The following MTM1 variants were observed in gnomAD, a reference collection of about 807,000 sequenced individuals.
The protein encoded by MTM1 is myotubularin 1.
Under a neutral mutation model 52.1 loss-of-function variants are expected in MTM1, and 9 were observed. The observed-to-expected ratio is 0.17, with a 90% CI of 0.10 to 0.30. The LOEUF (loss-of-function observed/expected upper bound fraction) is 0.30. MTM1 is among the 10% of genes least tolerant of loss of function. The pLI is 1.00. For synonymous variants in MTM1, 136 were observed against 163.8 expected (o/e 0.83, Z 1.29); for missense variants, 277 against 470.7 (o/e 0.59, Z 3.81).
intron 1 of MTM1, among the ~76,000 whole-genome samples, chrX:150,574,424 A>C (rs1278806213): frequency 9.0e-6 from 1 of 111,313 alleles, no homozygotes; most frequent in Admixed American, 9.5e-5. Flanking sequence ...ATTTTGCAGT[A>C]AATTAAAGTT....
chrX:150,563,893 A>G, upstream of MTM1, among the ~76,000 whole-genome samples: 1 of 111,173 alleles, frequency 9.0e-6, no homozygotes, highest in Non-Finnish European at 1.9e-5. Flanking sequence ...CTCAAAACAA[A>G]CAAACAAAAA....
chrX:150,641,147 G>T, intron 7 of MTM1, 122 bp from the exon 8 acceptor site: 2 of 722,271 alleles, frequency 2.8e-6, no homozygotes, highest in South Asian at 4.9e-5. Flanking sequence ...TAGGTAGACC[G>T]TCATCACCCT....
At chrX:150,619,388 ACT>A (rs1350681804) in intron 6 of MTM1, among the ~76,000 whole-genome samples, 3 of 111,931 alleles carry the variant, frequency 2.7e-5, no homozygotes, top group African/African-American at 9.8e-5. Context: ...ATGGGAACAA[ACT>A]CTCTGAGCCT....
Position 150,614,526 on chromosome X carries a change from T to C in MTM1, c.232-63T>C, listed in dbSNP as rs781897737. 6.0e-6 allele frequency: 4 copies of C among 669,604 alleles called. No individual in the cohort carries two copies. In the African/African-American group the frequency reaches 8.7e-5, roughly 15 times the overall value. The allele number at this position is 669,604 out of a possible 1,213,427, so 55.2% of individuals were successfully genotyped here. ...CTGAAAGCATATGGTTGTTTTTATA[T>C]GTTTTTTGATGTTTTAATTATACTG... On this transcript the variant is annotated intron_variant, in intron 4 of 14. Transcript: ENST00000370396.
chrX:150,566,510 C>T (rs1276204908), upstream of MTM1, among the ~76,000 whole-genome samples: 3 of 111,601 alleles, frequency 2.7e-5, no homozygotes, highest in East Asian at 2.8e-4. Context: ...GCACCTACAC[C>T]GTGAGACAGG....
intron 1 of MTM1, among the ~76,000 whole-genome samples, chrX:150,572,849 C>T (rs782737542): frequency 2.7e-5 from 3 of 112,758 alleles, no homozygotes; most frequent in East Asian, 2.8e-4. Context: ...GGCGCCTGAG[C>T]GGCCTTTTCT....
chrX:150,654,254 A>C (rs1246963988), intron 10 of MTM1, among the ~76,000 whole-genome samples: 4 of 111,964 alleles, frequency 3.6e-5, no homozygotes, highest in Non-Finnish European at 7.5e-5. Flanking sequence ...TAATTGGCTG[A>C]GATTGAGTCC....
At chrX:150,637,754 G>A (rs1026062545) in intron 6 of MTM1, among the ~76,000 whole-genome samples, 22 of 112,110 alleles carry the variant, frequency 2.0e-4, no homozygotes, top group African/African-American at 4.9e-4. Context: ...AATAGTAGCC[G>A]CAAAGGCCCT....
At chrX:150,617,778 C>G (rs1406366900) in intron 5 of MTM1, among the ~76,000 whole-genome samples, 2 of 111,718 alleles carry the variant, frequency 1.8e-5, no homozygotes, top group Admixed American at 9.5e-5. Context: ...CTGTGATATC[C>G]AAGAGGGCAA....
At chrX:150,589,293 C>A (rs2038843526) in intron 1 of MTM1, among the ~76,000 whole-genome samples, 1 of 111,106 alleles carries the variant, frequency 9.0e-6, no homozygotes, top group Non-Finnish European at 1.9e-5. Context: ...TCTAGGCCCC[C>A]CGCATCTCCT....
At chrX:150,610,881 G>A (rs1395464581) in intron 4 of MTM1, among the ~76,000 whole-genome samples, 2 of 111,913 alleles carry the variant, frequency 1.8e-5, no homozygotes, top group African/African-American at 6.5e-5. Context: ...TGATGCTAGA[G>A]TATCAGACTT....
At chrX:150,563,830 G>A (rs111430406), upstream of MTM1, among the ~76,000 whole-genome samples, 1 of 111,460 alleles carries the variant, frequency 9.0e-6, no homozygotes, top group Non-Finnish European at 1.9e-5. Context: ...AGGTTGCAGT[G>A]AGCCAAGATT....
At chrX:150,601,319 A>G in intron 4 of MTM1, among the ~76,000 whole-genome samples, 1 of 112,086 alleles carries the variant, frequency 8.9e-6, no homozygotes. Context: ...AAAACATCAT[A>G]TAAAGAATGC....
intron 1 of MTM1, among the ~76,000 whole-genome samples, chrX:150,577,138 A>G (rs1557411677): frequency 8.9e-6 from 1 of 112,025 alleles, no homozygotes; most frequent in Non-Finnish European, 1.9e-5. Flanking sequence ...TGTTGCATGT[A>G]TCAGCAGTTC....
chrX:150,592,808 A>C, intron 2 of MTM1, 131 bp downstream of exon 2: 2 of 457,354 alleles, frequency 4.4e-6, no homozygotes, highest in Non-Finnish European at 7.5e-6. Flanking sequence ...ACATTTATAC[A>C]TGTGGTTTCT....
At chrX:150,588,230 A>C (rs143796639) in intron 1 of MTM1, among the ~76,000 whole-genome samples, 2 of 112,320 alleles carry the variant, frequency 1.8e-5, no homozygotes, top group East Asian at 5.6e-4. Flanking sequence ...ATTGAACTTA[A>C]CGTAAATGCC....
chrX:150,619,371 A>G (rs1372534205), intron 6 of MTM1, among the ~76,000 whole-genome samples: 8 of 112,093 alleles, frequency 7.1e-5, no homozygotes, highest in Admixed American at 2.8e-4. Flanking sequence ...TGTGGCTCCA[A>G]TTGTAAATGG....
rs2039422839 is a variant in MTM1 at position 150,618,482 on chromosome X, C to T, written c.343-556C>T. On this transcript the variant is annotated intron_variant, in intron 5 of 14. Transcript: ENST00000370396. ...CAGCCTGGCCAACATGGAGAAACCC[C>T]ATCTCTACTAAAAATACAAAAAATT... Among the ~76,000 whole-genome samples the T allele has an allele frequency of 3.6e-5, 4 of 110,129 alleles. No homozygotes were observed. In the Admixed American group the frequency reaches 3.9e-4, roughly 11 times the overall value.
At chrX:150,615,259 C>G (rs2039362578) in intron 5 of MTM1, among the ~76,000 whole-genome samples, 1 of 111,278 alleles carries the variant, frequency 9.0e-6, no homozygotes, top group African/African-American at 3.3e-5. Flanking sequence ...CCCGAGGCTC[C>G]AAAGAGTTGG....
Sources: allele counts gnomAD v4.1 joint callset (sites outside exome capture counted in the v4.1 genomes callset), GRCh38; gene constraint gnomAD v4.1.1; transcripts MANE v1.5; gene names NCBI Gene and HGNC (gene_info 2026-07-23, HGNC 2026-07-21).